The following DCAF5 variants were observed in gnomAD, a reference collection of about 807,000 sequenced individuals.
DCAF5 encodes DDB1 and CUL4 associated factor 5.
Under a neutral mutation model 80.7 loss-of-function variants are expected in DCAF5, and 9 were observed. The observed-to-expected ratio is 0.11, with a 90% CI of 0.07 to 0.19. The LOEUF (loss-of-function observed/expected upper bound fraction) is 0.19. Ranked by LOEUF, DCAF5 falls within the 10% of genes least tolerant of loss-of-function variation. The pLI is 1.00. For missense variants in DCAF5, 842 were observed against 1,205.7 expected (o/e 0.70, Z 4.47); for synonymous variants, 433 against 461.9 (o/e 0.94, Z 0.80).
chr14:69,072,921 A>G (rs575304884), intron 7 of DCAF5, among the ~76,000 whole-genome samples: 5 of 152,336 alleles, frequency 3.3e-5, no homozygotes, highest in Non-Finnish European at 7.3e-5. Context: ...GTACCAAGTA[A>G]AGGATGGGGA....
At chr14:69,143,951 G>A (rs538753431) in intron 1 of DCAF5, 10 of 152,524 alleles carry the variant, frequency 6.6e-5, no homozygotes, top group African/African-American at 1.7e-4. Context: ...ATTCAGACCC[G>A]CCATATTTCA....
At chr14:69,124,694 T>C (rs1414524533) in intron 1 of DCAF5, among the ~76,000 whole-genome samples, 1 of 152,200 alleles carries the variant, frequency 6.6e-6, no homozygotes, top group African/African-American at 2.4e-5. Context: ...ATGAAAATCA[T>C]GGTTTGGGTT....
chr14:69,059,539 C>T (rs941442796), intron 8 of DCAF5, among the ~76,000 whole-genome samples: 2 of 152,204 alleles, frequency 1.3e-5, no homozygotes. Context: ...CCCTCACTTT[C>T]CAGATGGGAG....
At chr14:69,144,286 C>A (rs894751500) in intron 1 of DCAF5, among the ~76,000 whole-genome samples, 1 of 151,692 alleles carries the variant, frequency 6.6e-6, no homozygotes, top group African/African-American at 2.4e-5. Context: ...ATTAAAGGGG[C>A]ACAAGGCCAG....
intron 5 of DCAF5, among the ~76,000 whole-genome samples, chr14:69,109,710 A>G (rs1240143959): frequency 1.3e-5 from 2 of 151,876 alleles, no homozygotes; most frequent in Non-Finnish European, 2.9e-5. Flanking sequence ...TTATTTATCC[A>G]TTTTCCATTT....
At chr14:69,131,407 G>T (rs1205214839) in intron 1 of DCAF5, among the ~76,000 whole-genome samples, 2 of 152,042 alleles carry the variant, frequency 1.3e-5, no homozygotes, top group Non-Finnish European at 2.9e-5. Flanking sequence ...AGAAACTGCA[G>T]CGCATTACAG....
chr14:69,106,242 G>C (rs2040153464), intron 5 of DCAF5, among the ~76,000 whole-genome samples: 1 of 151,750 alleles, frequency 6.6e-6, no homozygotes. Context: ...TTTTAATAGA[G>C]ACAGGGTTTC....
intron 6 of DCAF5, chr14:69,089,132 A>G (rs1253411786): frequency 6.6e-6 from 1 of 152,640 alleles, no homozygotes; most frequent in African/African-American, 2.4e-5. Context: ...ATACTTATCA[A>G]TCCTGATTTA....
At chr14:69,136,363 GCCTCAGCCTC>G (rs1435194586) in intron 1 of DCAF5, among the ~76,000 whole-genome samples, 2 of 151,892 alleles carry the variant, frequency 1.3e-5, no homozygotes, top group African/African-American at 4.8e-5. Flanking sequence ...CAATCCTCCT[GCCTCAGCCTC>G]CCAAAGTGCT....
At chr14:69,111,891 A>T (rs1218203820) in intron 5 of DCAF5, among the ~76,000 whole-genome samples, 1 of 152,196 alleles carries the variant, frequency 6.6e-6, no homozygotes, top group East Asian at 1.9e-4. Flanking sequence ...TAAAATCCCT[A>T]AAGCAGAACT....
intron 8 of DCAF5, 80 bp downstream of exon 8, chr14:69,062,304 C>A: frequency 6.9e-7 from 1 of 1,450,854 alleles, no homozygotes; most frequent in South Asian, 1.2e-5. Context: ...AATATGAGGT[C>A]CTACATAAAT....
intron 5 of DCAF5, among the ~76,000 whole-genome samples, chr14:69,111,446 G>T (rs1201755674): frequency 2.0e-5 from 3 of 152,044 alleles, no homozygotes; most frequent in Admixed American, 2.0e-4. Context: ...ATTGAGTGGG[G>T]AAAAAACCAC....
chr14:69,072,505 G>A (rs771300674), intron 7 of DCAF5, among the ~76,000 whole-genome samples: 6 of 151,890 alleles, frequency 4.0e-5, no homozygotes, highest in Non-Finnish European at 7.4e-5. Context: ...ATACTTGGGA[G>A]GCTTAGGCAG....
intron 2 of DCAF5, among the ~76,000 whole-genome samples, chr14:69,121,490 A>C (rs1317265614): frequency 2.6e-5 from 4 of 152,252 alleles, no homozygotes; most frequent in African/African-American, 9.6e-5. Flanking sequence ...AATTGTCAGC[A>C]ATTTCTTAAA....
At chr14:69,131,473 T>C (rs1409595757) in intron 1 of DCAF5, among the ~76,000 whole-genome samples, 1 of 152,240 alleles carries the variant, frequency 6.6e-6, no homozygotes, top group Non-Finnish European at 1.5e-5. Flanking sequence ...AAAATAAGTC[T>C]GTTTTGTTAT....
chr14:69,111,757 A>G (rs1190971404), intron 5 of DCAF5, among the ~76,000 whole-genome samples: 2 of 152,230 alleles, frequency 1.3e-5, no homozygotes, highest in African/African-American at 4.8e-5. Flanking sequence ...AACAGCAGAA[A>G]TCATCTAAAT....
intron 4 of DCAF5, 42 bp from the exon 5 acceptor site, chr14:69,116,537 GT>G: frequency 6.3e-7 from 1 of 1,594,398 alleles, no homozygotes; most frequent in Non-Finnish European, 8.6e-7. Flanking sequence ...CCAGGTACCT[GT>G]GGGCCACTGG....
Position 69,053,716 on chromosome 14 carries a change from G to T in DCAF5, c.*141C>A, listed in dbSNP as rs2037835580. 1.4e-6 allele frequency: 1 copy of T among 728,978 alleles called. No individual in the cohort carries two copies. 45.2% of individuals were successfully genotyped at this position (728,978 alleles called of 1,614,324 possible). On this transcript the variant is annotated 3_prime_UTR_variant, in exon 9 of 9. Transcript: ENST00000341516. ...CCCGTTGTTGAATGTTGGATAGAAG[G>T]GAGCAGCATCAGACACAAAATTTCA... is the stretch of plus-strand genomic sequence containing the variant.
chr14:69,105,943 A>ATATATATATATATATATCTATCTATC (rs1223858774), intron 5 of DCAF5, among the ~76,000 whole-genome samples: 1 of 74,172 alleles, frequency 1.3e-5, no homozygotes, highest in Admixed American at 1.3e-4. Flanking sequence ...ATATATATAT[A>ATATATATATATATATATCTATCTATC]TATCTCCTAT....
Sources: allele counts gnomAD v4.1 joint callset (sites outside exome capture counted in the v4.1 genomes callset), GRCh38; gene constraint gnomAD v4.1.1; transcripts MANE v1.5; gene names NCBI Gene and HGNC (gene_info 2026-07-23, HGNC 2026-07-21).